Variants in MGAT4C observed in about 807,000 individuals in gnomAD.
MGAT4C encodes alpha-1,3-mannosyl-glycoprotein 4-beta-N-acetylglucosaminyltransferase C.
MGAT4C carries 19 observed loss-of-function variants against 40.1 expected under a neutral mutation model. The observed-to-expected ratio is 0.47, with a 90% CI of 0.33 to 0.70. The LOEUF is 0.70. MGAT4C is among the 30% of genes least tolerant of loss of function. MGAT4C has a pLI of 0.02. For missense variants in MGAT4C, 491 were observed against 563.2 expected (o/e 0.87, Z 1.30); for synonymous variants, 181 against 187.1 (o/e 0.97, Z 0.27).
intron 3 of MGAT4C, among the ~76,000 whole-genome samples, chr12:86,388,703 C>CAA (rs1292570783): frequency 8.6e-6 from 1 of 116,200 alleles, no homozygotes; most frequent in Non-Finnish European, 1.7e-5. Flanking sequence ...TTTTTTTAGA[C>CAA]AGAGTCTTGC....
chr12:86,825,151 T>C (rs1226128037), intron 1 of MGAT4C, among the ~76,000 whole-genome samples: 1 of 151,174 alleles, frequency 6.6e-6, no homozygotes, highest in Non-Finnish European at 1.5e-5. Flanking sequence ...ACTTAATGCC[T>C]AAATATAGAA....
chr12:86,495,155 T>C (rs916086984), intron 2 of MGAT4C: 3 of 152,052 alleles, frequency 2.0e-5, no homozygotes, highest in African/African-American at 4.8e-5. Flanking sequence ...TGCATATCAA[T>C]AGGTATAGAA....
At chr12:86,191,639 AC>A (rs1889473670) in intron 1 of MGAT4C, among the ~76,000 whole-genome samples, 1 of 101,384 alleles carries the variant, frequency 9.9e-6, no homozygotes, top group Non-Finnish European at 1.8e-5. Flanking sequence ...CAAAACACAC[AC>A]ACACACACAC....
At position 85,972,958 on chromosome 12, in the gene MGAT4C, T is replaced by C. The variant is rs1309660225; in HGVS notation, c.*6331A>G. Reference sequence around the variant, plus strand: ...GGGTATTTTATGGAGAAAAGAGGCATGTACTACCTTAAACATTTTCCAATT... The same window carrying C: ...GGGTATTTTATGGAGAAAAGAGGCACGTACTACCTTAAACATTTTCCAATT... On this transcript the variant is annotated 3_prime_UTR_variant, in exon 5 of 5. Transcript: ENST00000611864. The C allele has an allele frequency of 6.6e-6, 1 of 150,982 alleles. No homozygotes were observed. Among genetic ancestry groups the C allele is most frequent in the Non-Finnish European group, 1.5e-5 (1 of 67,162 alleles). 9.4% of individuals were successfully genotyped at this position (150,982 alleles called of 1,614,324 possible).
At chr12:86,697,568 T>C (rs1478001744) in intron 2 of MGAT4C, among the ~76,000 whole-genome samples, 1 of 152,096 alleles carries the variant, frequency 6.6e-6, no homozygotes. Context: ...CCACTCACTC[T>C]TACCCTTTAG....
intron 1 of MGAT4C, among the ~76,000 whole-genome samples, chr12:86,110,298 C>CTATATA (rs1565996123): frequency 1.3e-4 from 2 of 15,710 alleles, no homozygotes; most frequent in Non-Finnish European, 2.1e-4. Context: ...TATATAGTCT[C>CTATATA]TCTATATATA....
intron 2 of MGAT4C, among the ~76,000 whole-genome samples, chr12:86,579,993 G>A (rs1960715206): frequency 1.7e-5 from 1 of 59,888 alleles, no homozygotes; most frequent in Non-Finnish European, 4.0e-5. Context: ...ACATTTGGGA[G>A]TTTGATTATT....
At chr12:86,222,586 G>T (rs1330689869) in intron 1 of MGAT4C, among the ~76,000 whole-genome samples, 1 of 152,066 alleles carries the variant, frequency 6.6e-6, no homozygotes, top group Admixed American at 6.5e-5. Context: ...CATAAAAAAC[G>T]AATCTCAGCT....
intron 3 of MGAT4C, among the ~76,000 whole-genome samples, chr12:86,404,208 C>T (rs565695140): frequency 1.1e-4 from 16 of 152,056 alleles, no homozygotes; most frequent in South Asian, 2.1e-4. Flanking sequence ...TCATATTTAA[C>T]GGACTTGGTG....
rs2135780567 is a variant in MGAT4C, at chr12:86,154,783, A to T, written c.-57+101456T>A. Reference sequence around the variant, plus strand: ...AGAGCTTAGCAATATCTAGTACTTCATCTGTATCAATTTTTCATTTTATCT... The same window carrying T: ...AGAGCTTAGCAATATCTAGTACTTCTTCTGTATCAATTTTTCATTTTATCT... On this transcript the variant is annotated intron_variant, in intron 1 of 4. Transcript: ENST00000611864. Among the ~76,000 whole-genome samples the T allele has an allele frequency of 1.3e-5, 2 of 152,276 alleles. 1 individual carries two copies. Among genetic ancestry groups the T allele is most frequent in the South Asian group, 4.1e-4 (2 of 4,826 alleles).
At chr12:86,808,787 C>A (rs1221461948) in intron 1 of MGAT4C, among the ~76,000 whole-genome samples, 1 of 151,870 alleles carries the variant, frequency 6.6e-6, no homozygotes. Context: ...CACAATCAAG[C>A]AATAGAAAGA....
At chr12:86,239,307 T>C (rs1024972056) in intron 1 of MGAT4C, among the ~76,000 whole-genome samples, 4 of 152,046 alleles carry the variant, frequency 2.6e-5, no homozygotes, top group African/African-American at 9.7e-5. Flanking sequence ...GGAAGGAACA[T>C]GACTACTTTT....
At chr12:86,422,332 G>A (rs1956843176) in intron 3 of MGAT4C, among the ~76,000 whole-genome samples, 1 of 152,140 alleles carries the variant, frequency 6.6e-6, no homozygotes, top group South Asian at 2.1e-4. Flanking sequence ...AGAAGTCCTG[G>A]ATTGTTGCCT....
At chr12:86,231,711 A>G (rs570077344) in intron 1 of MGAT4C, among the ~76,000 whole-genome samples, 27 of 152,304 alleles carry the variant, frequency 1.8e-4, no homozygotes, top group African/African-American at 6.5e-4. Context: ...TCTAACATTC[A>G]TTTTGGTAAT....
At chr12:86,186,252 A>G (rs1309630702) in intron 1 of MGAT4C, among the ~76,000 whole-genome samples, 3 of 152,110 alleles carry the variant, frequency 2.0e-5, no homozygotes, top group African/African-American at 7.2e-5. Context: ...TTAAAGCACA[A>G]ATGCAGGTAT....
chr12:86,563,952 G>C (rs1179168685), intron 2 of MGAT4C, among the ~76,000 whole-genome samples: 1 of 152,192 alleles, frequency 6.6e-6, no homozygotes, highest in Non-Finnish European at 1.5e-5. Flanking sequence ...CTGGCTGGTA[G>C]AGTGAGGACT....
In MGAT4C at chr12:85,955,791, G is replaced by T. The variant is rs1882763990; in HGVS notation, c.*23498C>A. Reference sequence around the variant, plus strand: ...GGTATTAAAGCCATCAAGCATACTGGTTCACCATGTTGCAGACTTTAAAAA... The same window carrying T: ...GGTATTAAAGCCATCAAGCATACTGTTTCACCATGTTGCAGACTTTAAAAA... On this transcript the variant is annotated 3_prime_UTR_variant, in exon 5 of 5. Coordinates refer to ENST00000611864, the MANE Select transcript of MGAT4C (RefSeq NM_001351288.2). 6.6e-6 allele frequency: 1 copy of T among 152,018 alleles called. No homozygotes were observed. The highest frequency in any genetic ancestry group is 6.6e-5 in the Admixed American group (1 of 15,254). The allele number at this position is 152,018 out of a possible 1,614,324, so 9.4% of individuals were successfully genotyped here.
intron 1 of MGAT4C, among the ~76,000 whole-genome samples, chr12:86,119,213 A>T (rs1459040652): frequency 6.6e-6 from 1 of 152,082 alleles, no homozygotes; most frequent in Non-Finnish European, 1.5e-5. Context: ...TTTAATTTTT[A>T]TATCAGTATA....
chr12:86,073,680 G>T (rs182244020), intron 1 of MGAT4C, among the ~76,000 whole-genome samples: 3 of 151,868 alleles, frequency 2.0e-5, no homozygotes, highest in African/African-American at 4.8e-5. Context: ...GCCCTGTAAA[G>T]TTCTTTGTTT....
Sources: allele counts gnomAD v4.1 joint callset (sites outside exome capture counted in the v4.1 genomes callset), GRCh38; gene constraint gnomAD v4.1.1; transcripts MANE v1.5; gene names NCBI Gene and HGNC (gene_info 2026-07-23, HGNC 2026-07-21).